The following RBM19 variants were observed in gnomAD, a reference collection of about 807,000 sequenced individuals.
RBM19 encodes probable RNA-binding protein 19.
Under a neutral mutation model 116.8 loss-of-function variants are expected in RBM19, and 94 were observed. The ratio of observed to expected loss-of-function variants is 0.80; its 90% CI spans 0.68 to 0.95. The LOEUF (loss-of-function observed/expected upper bound fraction) is 0.95, where lower values mean the gene tolerates loss of function less well. Ranked by LOEUF, RBM19 falls within the 40% of genes least tolerant of loss-of-function variation. The pLI, the probability that RBM19 is intolerant of heterozygous loss-of-function variation, is 0.00. For missense variants in RBM19, 1,161 were observed against 1,220.7 expected, an observed-to-expected ratio of 0.95 and a Z score of 0.73; for synonymous variants, 475 against 494.1, an observed-to-expected ratio of 0.96 and a Z score of 0.51.
chr12:113,822,489 T>C lies in RBM19; in HGVS notation c.*735A>G, dbSNP rs1159757940. On this transcript the variant is annotated 3_prime_UTR_variant, in exon 24 of 24. Coordinates refer to ENST00000261741, the MANE Select transcript of RBM19 (RefSeq NM_016196.4). ...AGCCAGGGAGCTTGGCATCTGGGCT[T>C]GGAGCTCGATGCTTCATGAGCCGCT... 2.0e-5 allele frequency: 3 copies of C among 152,204 alleles called. No homozygotes were observed. The highest frequency in any genetic ancestry group is 4.4e-5 in the Non-Finnish European group (3 of 68,076). 9.4% of individuals were successfully genotyped at this position (152,204 alleles called of 1,614,324 possible).
intron 16 of RBM19, among the ~76,000 whole-genome samples, chr12:113,935,505 C>T (rs995541298): frequency 7.2e-5 from 11 of 152,142 alleles, no homozygotes; most frequent in African/African-American, 2.2e-4. Context: ...GAGCAGGAGT[C>T]GGGCTTTCAC....
At chr12:113,897,716 C>T (rs1178601598) in intron 21 of RBM19, among the ~76,000 whole-genome samples, 1 of 152,236 alleles carries the variant, frequency 6.6e-6, no homozygotes, top group Non-Finnish European at 1.5e-5. Context: ...AGGTTGAATA[C>T]TGCACAATCC....
intron 21 of RBM19, among the ~76,000 whole-genome samples, chr12:113,885,961 C>T (rs1351231011): frequency 2.0e-5 from 3 of 151,098 alleles, no homozygotes; most frequent in African/African-American, 7.3e-5. Flanking sequence ...CTCTGCCTCC[C>T]GGGTTCATGC....
intron 21 of RBM19, among the ~76,000 whole-genome samples, chr12:113,862,059 G>A (rs1285504208): frequency 1.3e-5 from 2 of 152,226 alleles, no homozygotes; most frequent in Non-Finnish European, 2.9e-5. Context: ...GAAGCTTAAG[G>A]AGGAGCTGAA....
chr12:113,945,393 C>T (rs1047627927), intron 13 of RBM19, among the ~76,000 whole-genome samples: 4 of 152,176 alleles, frequency 2.6e-5, no homozygotes, highest in African/African-American at 7.2e-5. Flanking sequence ...GCCAAGGCAC[C>T]GGAGTTGGCC....
At chr12:113,959,831 C>T in intron 4 of RBM19, 34 bp downstream of exon 4, 2 of 1,612,714 alleles carry the variant, frequency 1.2e-6, no homozygotes, top group Non-Finnish European at 1.7e-6. Context: ...TGCTGCCCAC[C>T]CTCTCTCCTC....
chr12:113,945,722 C>T (rs1235574764), intron 13 of RBM19, 106 bp downstream of exon 13: 14 of 941,820 alleles, frequency 1.5e-5, no homozygotes, highest in African/African-American at 3.3e-5. Flanking sequence ...GAGGAAAGCC[C>T]TGGCGGCCCC....
At chr12:113,933,340 CAA>C (rs1454199600) in intron 16 of RBM19, among the ~76,000 whole-genome samples, 1 of 110,374 alleles carries the variant, frequency 9.1e-6, no homozygotes, top group Non-Finnish European at 1.8e-5. Flanking sequence ...AGGAACAATG[CAA>C]AGAGGGTGGG....
At chr12:113,843,232 G>C (rs1218486421) in intron 23 of RBM19, among the ~76,000 whole-genome samples, 1 of 152,180 alleles carries the variant, frequency 6.6e-6, no homozygotes, top group Non-Finnish European at 1.5e-5. Context: ...CTGGCTCCAG[G>C]TTCCATGTCT....
rs760677672 is a variant in RBM19 at position 113,952,595 on chromosome 12, GAGA to G, written c.922-8_922-6del. 40 of 1,613,338 alleles carry G rather than the reference GAGA, an allele frequency of 2.5e-5. No individual in the cohort carries two copies. In the Middle Eastern group the frequency reaches 5.0e-4, roughly 20 times the overall value. On this transcript the variant is annotated splice_polypyrimidine_tract_variant and splice_region_variant and intron_variant, in intron 7 of 23. Transcript: ENST00000261741. ...CAGGAATTCCATAACATTTTTCTGT[GAGA>G]AGAAGTTTTTTTCCCCTTACCAACC...
intron 14 of RBM19, 47 bp downstream of exon 14, chr12:113,942,277 G>A (rs1308058239): frequency 4.5e-6 from 7 of 1,550,812 alleles, no homozygotes; most frequent in East Asian, 4.5e-5. Flanking sequence ...GGCCATTCTC[G>A]ACTCTCCAGT....
rs1872585102 is a variant in RBM19, at chr12:113,962,403, C to T, written c.48G>A (p.Glu16=). ...AGGCGGCAAACAGCTGCCTGAAACG[C>T]TCCTCCTTCATCTAGGACAGAGGGA... is the stretch of plus-strand genomic sequence containing the variant. ...VKNLPNGMKE[E]RFRQLFAAFG... Residue 16 remains glutamate, a synonymous_variant, in exon 2 of 24, where the codon GAG becomes GAA. Coordinates refer to ENST00000261741, the MANE Select transcript of RBM19 (RefSeq NM_016196.4). 2.5e-6 allele frequency: 4 copies of T among 1,613,534 alleles called. No individual in the cohort carries two copies. In the South Asian group the frequency reaches 3.3e-5, roughly 13 times the overall value.
At chr12:113,944,173 C>T (rs758297198) in intron 13 of RBM19, among the ~76,000 whole-genome samples, 1 of 141,870 alleles carries the variant, frequency 7.0e-6, no homozygotes, top group Admixed American at 7.5e-5. Context: ...GATCTCGGCT[C>T]ATTGCAACCT....
intron 21 of RBM19, among the ~76,000 whole-genome samples, chr12:113,884,296 T>TACACAC (rs773074612): frequency 0.018 from 1,492 of 81,446 alleles, 15 homozygotes; most frequent in East Asian, 0.074. Context: ...AAAAAAAAAG[T>TACACAC]ATACACACAC....
chr12:113,884,581 G>C (rs1311841791), intron 21 of RBM19, among the ~76,000 whole-genome samples: 4 of 152,102 alleles, frequency 2.6e-5, no homozygotes, highest in Admixed American at 6.5e-5. Context: ...CCGTACTGGA[G>C]GCAAGGAGAC....
intron 21 of RBM19, among the ~76,000 whole-genome samples, chr12:113,881,248 G>A (rs923835602): frequency 6.6e-6 from 1 of 151,748 alleles, no homozygotes; most frequent in Non-Finnish European, 1.5e-5. Context: ...TGATACGGCC[G>A]TTGTGGTAAT....
chr12:113,909,864 G>A (rs887555458), intron 21 of RBM19, among the ~76,000 whole-genome samples: 3 of 152,114 alleles, frequency 2.0e-5, no homozygotes, highest in South Asian at 2.1e-4. Flanking sequence ...TCATGAGCCC[G>A]GCACTACGCT....
rs115827919 is a variant in RBM19 at position 113,853,243 on chromosome 12, C to T, written c.2664+5548G>A. Among the ~76,000 whole-genome samples, 851 of 152,266 alleles carry T rather than the reference C, an allele frequency of 5.6e-3. 8 individuals carry two copies. The highest frequency in any genetic ancestry group is 0.019 in the African/African-American group (809 of 41,546). ...ATGAGGAAGGAGACATTAACTGGTGCGACCCTACAATGAAAGCTGTGGTTG... is the reference window on the plus strand; with the variant it reads ...ATGAGGAAGGAGACATTAACTGGTGTGACCCTACAATGAAAGCTGTGGTTG... On this transcript the variant is annotated intron_variant, in intron 22 of 23. Coordinates refer to ENST00000261741, the MANE Select transcript of RBM19 (RefSeq NM_016196.4).
chr12:113,943,828 G>A (rs775879808), intron 13 of RBM19, among the ~76,000 whole-genome samples: 4 of 152,120 alleles, frequency 2.6e-5, no homozygotes, highest in Non-Finnish European at 4.4e-5. Flanking sequence ...TGTCTCAGGA[G>A]GGAGGGAAAA....
Sources: allele counts gnomAD v4.1 joint callset (sites outside exome capture counted in the v4.1 genomes callset), GRCh38; gene constraint gnomAD v4.1.1; transcripts MANE v1.5; gene names NCBI Gene and HGNC (gene_info 2026-07-23, HGNC 2026-07-21).